The following SDK2 variants were observed in gnomAD, a reference collection of about 807,000 sequenced individuals.
SDK2 encodes protein sidekick-2.
A neutral mutation model predicts 253.9 loss-of-function variants in SDK2; 105 were observed. The observed-to-expected ratio is 0.41, with a 90% CI of 0.35 to 0.49. The LOEUF (loss-of-function observed/expected upper bound fraction) is 0.49, where lower values mean the gene tolerates loss of function less well. Ranked by LOEUF, SDK2 falls within the 20% of genes least tolerant of loss-of-function variation. The probability of loss-of-function intolerance (pLI) is 0.06; values close to 1 mark genes in which losing one functional copy is unlikely to be tolerated. For synonymous variants in SDK2, 1,249 were observed against 1,234.9 expected, an observed-to-expected ratio of 1.01 and a Z score of -0.24; for missense variants, 2,608 against 3,003.0, an observed-to-expected ratio of 0.87 and a Z score of 3.07.
At chr17:73,528,867 AT>A (rs1481087919) in intron 1 of SDK2, among the ~76,000 whole-genome samples, 4 of 152,262 alleles carry the variant, frequency 2.6e-5, no homozygotes, top group Admixed American at 1.3e-4. Flanking sequence ...CAATACAGCC[AT>A]TACCCTTTGG....
In SDK2 at chr17:73,338,296, C is replaced by T. The variant is rs202177555; in HGVS notation, c.*291G>A. On this transcript the variant is annotated 3_prime_UTR_variant, in exon 45 of 45. Transcript: ENST00000392650. The surrounding 1 kb of genome is among the most constrained non-coding windows in gnomAD (Gnocchi z 5.0). ...CTCTCTCCAGATGCCCGCCCCACTC[C>T]GTGTCCATAGCAGTGACACAGCCAC... 6.0e-5 allele frequency: 34 copies of T among 568,518 alleles called. No individual in the cohort carries two copies. The highest frequency in any genetic ancestry group is 2.7e-4 in the Middle Eastern group (1 of 3,756). The allele number at this position is 568,518 out of a possible 1,614,324, so 35.2% of individuals were successfully genotyped here.
chr17:73,541,415 T>G lies in SDK2; in HGVS notation c.65-33818A>C, dbSNP rs1029320958. On this transcript the variant is annotated intron_variant, in intron 1 of 44. Coordinates refer to ENST00000392650, the MANE Select transcript of SDK2 (RefSeq NM_001144952.2). The surrounding 1 kb of genome is among the most constrained non-coding windows in gnomAD (Gnocchi z 4.3). ...CCAAGGCTAGCTCGGGCAGCACACTTAGCACATGGGCGCCTTGCTGGGTGC... is the reference window on the plus strand; with the variant it reads ...CCAAGGCTAGCTCGGGCAGCACACTGAGCACATGGGCGCCTTGCTGGGTGC... Among the ~76,000 whole-genome samples the G allele has an allele frequency of 1.3e-4, 20 of 152,222 alleles. No homozygotes were observed. Among genetic ancestry groups the G allele is most frequent in the African/African-American group, 4.8e-4 (20 of 41,540 alleles).
At chr17:73,418,256 T>G (rs562364161) in intron 16 of SDK2, among the ~76,000 whole-genome samples, 101 of 152,340 alleles carry the variant, frequency 6.6e-4, no homozygotes, top group Non-Finnish European at 1.0e-3. Flanking sequence ...TCCACCCGCC[T>G]TGGCCTCCCA....
intron 1 of SDK2, among the ~76,000 whole-genome samples, chr17:73,615,920 C>T (rs1020666229): frequency 1.1e-4 from 16 of 152,148 alleles, no homozygotes; most frequent in African/African-American, 3.9e-4. Flanking sequence ...CAGTCACATA[C>T]ATATATACAC....
chr17:73,388,195 A>G (rs765027573), intron 29 of SDK2, among the ~76,000 whole-genome samples, 158 bp from the exon 30 acceptor site: 4 of 152,074 alleles, frequency 2.6e-5, no homozygotes, highest in South Asian at 2.1e-4. Flanking sequence ...AGGTTCTCAC[A>G]CCTGGGTACA....
At chr17:73,532,538 C>T (rs1022564898) in intron 1 of SDK2, among the ~76,000 whole-genome samples, 26 of 152,218 alleles carry the variant, frequency 1.7e-4, no homozygotes, top group African/African-American at 6.3e-4. Context: ...CCACTTCCTC[C>T]AGGAGCCAGG....
At chr17:73,525,475 C>T (rs570895988) in intron 1 of SDK2, among the ~76,000 whole-genome samples, 19 of 152,190 alleles carry the variant, frequency 1.2e-4, no homozygotes, top group South Asian at 6.2e-4. Context: ...GAATAAAACA[C>T]GTGGTCCAAA....
intron 3 of SDK2, among the ~76,000 whole-genome samples, chr17:73,463,466 T>C (rs1374188978): frequency 2.6e-5 from 4 of 152,206 alleles, no homozygotes; most frequent in Non-Finnish European, 5.9e-5. Context: ...TAAACACTCC[T>C]GCACCTACCT....
chr17:73,542,705 C>T (rs978977985), intron 1 of SDK2, among the ~76,000 whole-genome samples: 17 of 152,152 alleles, frequency 1.1e-4, no homozygotes, highest in Middle Eastern at 3.2e-3. Flanking sequence ...TCTTGGGATT[C>T]GGGGCCTCTA....
At position 73,361,373 on chromosome 17, in the gene SDK2, C is replaced by A. The variant is rs962481308; in HGVS notation, c.5467+311G>T. Among the ~76,000 whole-genome samples the A allele has an allele frequency of 6.6e-6, 1 of 152,176 alleles. No homozygotes were observed. Among genetic ancestry groups the A allele is most frequent in the East Asian group, 1.9e-4 (1 of 5,186 alleles). On this transcript the variant is annotated intron_variant, in intron 39 of 44. Transcript: ENST00000392650. This position sits in a 1 kb window ranked among gnomAD's most constrained non-coding sequence, Gnocchi z 4.1. ...CAGGACGGAAGTAAAGGAGGCCATG[C>A]AATTAGCAGGGAGAGAAAGAACGAA... is the stretch of plus-strand genomic sequence containing the variant.
At chr17:73,542,020 C>G (rs2044876622) in intron 1 of SDK2, among the ~76,000 whole-genome samples, 1 of 152,220 alleles carries the variant, frequency 6.6e-6, no homozygotes, top group African/African-American at 2.4e-5. Context: ...TTAAATAAAA[C>G]AGCATCTGTG....
chr17:73,514,381 A>G (rs2064006249), intron 1 of SDK2, among the ~76,000 whole-genome samples: 1 of 152,156 alleles, frequency 6.6e-6, no homozygotes, highest in African/African-American at 2.4e-5. Flanking sequence ...TCCAGGCTAA[A>G]TGGCCCCATA....
intron 2 of SDK2, among the ~76,000 whole-genome samples, chr17:73,480,181 T>G (rs998470808): frequency 6.6e-6 from 1 of 152,178 alleles, no homozygotes; most frequent in Non-Finnish European, 1.5e-5. Context: ...GAAAGTAACT[T>G]ACCCCAGGTC....
chr17:73,527,923 G>C (rs537918769), intron 1 of SDK2, among the ~76,000 whole-genome samples: 1 of 152,304 alleles, frequency 6.6e-6, no homozygotes, highest in East Asian at 1.9e-4. Context: ...GTGGTGAGAA[G>C]AATGGGGATT....
chr17:73,603,982 C>A (rs2045874731), intron 1 of SDK2, among the ~76,000 whole-genome samples: 1 of 152,216 alleles, frequency 6.6e-6, no homozygotes, highest in Admixed American at 6.5e-5. Context: ...AGCGCAGAAC[C>A]CACCAACGTC....
At chr17:73,411,740 C>G (rs1194470584) in intron 18 of SDK2, among the ~76,000 whole-genome samples, 1 of 151,270 alleles carries the variant, frequency 6.6e-6, no homozygotes, top group Non-Finnish European at 1.5e-5. Flanking sequence ...TGACCTTTAG[C>G]TCAGTTGGAA....
At chr17:73,360,101 G>A (rs569508506) in intron 39 of SDK2, among the ~76,000 whole-genome samples, 3 of 152,324 alleles carry the variant, frequency 2.0e-5, no homozygotes, top group African/African-American at 4.8e-5. Flanking sequence ...CACTGCCAAC[G>A]CTTGGTCCTC....
intron 2 of SDK2, among the ~76,000 whole-genome samples, chr17:73,502,479 G>A (rs957977232): frequency 6.6e-6 from 1 of 152,156 alleles, no homozygotes; most frequent in East Asian, 1.9e-4. Context: ...ATCTAATGGG[G>A]ATATATTCAA....
At chr17:73,529,014 T>G (rs560451468) in intron 1 of SDK2, among the ~76,000 whole-genome samples, 29 of 152,208 alleles carry the variant, frequency 1.9e-4, no homozygotes, top group Non-Finnish European at 3.7e-4. Flanking sequence ...TTCTCATTGT[T>G]GCCCCCTCTT....
Sources: gnomAD v4.1 joint callset for allele counts (sites outside exome capture counted in the v4.1 genomes callset) on GRCh38, gnomAD v4.1.1 for gene constraint, Gnocchi (gnomAD v3.1) non-coding constraint, MANE v1.5 for transcripts, NCBI Gene and HGNC (gene_info 2026-07-23, HGNC 2026-07-21) for gene names.